KLHL10: variants seen among roughly 807,000 people sequenced by gnomAD.
KLHL10 encodes kelch-like protein 10.
KLHL10 carries 11 observed loss-of-function variants against 46.6 expected under a neutral mutation model. The observed-to-expected ratio is 0.24, with a 90% CI of 0.15 to 0.39. The LOEUF (loss-of-function observed/expected upper bound fraction) is 0.39. KLHL10 is among the 10% of genes least tolerant of loss of function. KLHL10 has a pLI of 1.00. For missense variants in KLHL10, 475 were observed against 789.8 expected (o/e 0.60, Z 4.78); for synonymous variants, 254 against 279.1 (o/e 0.91, Z 0.90).
At chr17:41,836,427 C>A, upstream of KLHL10, 2 of 985,152 alleles carry the variant, frequency 2.0e-6, no homozygotes, top group Admixed American at 6.1e-5. Context: ...GGGTGAAGGT[C>A]CCAAGGTGTT....
chr17:41,841,443 T>C (rs1307846081), intron 1 of KLHL10, among the ~76,000 whole-genome samples: 1 of 152,188 alleles, frequency 6.6e-6, no homozygotes, highest in Non-Finnish European at 1.5e-5. Context: ...GCCTCCCAAG[T>C]AGCTGGGACT....
At position 41,842,250 on chromosome 17, in the gene KLHL10, T is replaced by C. The variant is rs201438905; in HGVS notation, c.622T>C (p.Leu208=). The change falls in exon 2 of 5, where the codon TTA becomes CTA. Residue 208 remains leucine (L), a synonymous_variant. Coordinates refer to ENST00000293303, the MANE Select transcript of KLHL10 (RefSeq NM_152467.5). ...GGAAGATGCTGTATTTGAGGCCATT[T>C]TAAAGTGGATTTCTCATGACCCCCA... The part of the protein sequence containing the change: ...KQEDAVFEAI[L]KWISHDPQNR... The C allele has an allele frequency of 5.7e-5, 92 of 1,614,192 alleles. 1 individual carries two copies. Among genetic ancestry groups the C allele is most frequent in the South Asian group, 2.9e-4 (26 of 91,080 alleles).
intron 1 of KLHL10, among the ~76,000 whole-genome samples, chr17:41,840,896 AC>A (rs1312035538): frequency 6.6e-6 from 1 of 152,070 alleles, no homozygotes; most frequent in Non-Finnish European, 1.5e-5. Context: ...CAGGCAGATC[AC>A]CTGAGGTCAG....
In KLHL10 at chr17:41,837,871, G is replaced by GCC; in HGVS notation, c.-57_-56dup. On this transcript the variant is annotated 5_prime_UTR_variant, in exon 1 of 5. Coordinates refer to ENST00000293303, the MANE Select transcript of KLHL10 (RefSeq NM_152467.5). ...AAAGGAGCGACAGCTGGCTAAAGGGGCCCCCCACAACCCTCCCCGACACCC... is the reference window on the plus strand; with the variant it reads ...AAAGGAGCGACAGCTGGCTAAAGGGGCCCCCCCCACAACCCTCCCCGACACCC... 1 of 1,607,752 alleles carries GCC rather than the reference G, an allele frequency of 6.2e-7. No homozygotes were observed. The highest frequency in any genetic ancestry group is 8.5e-7 in the Non-Finnish European group (1 of 1,178,964).
intron 3 of KLHL10, among the ~76,000 whole-genome samples, chr17:41,846,222 A>AC (rs2048283867): frequency 3.3e-5 from 5 of 150,434 alleles, no homozygotes; most frequent in Non-Finnish European, 7.4e-5. Context: ...AAAAGAAAAA[A>AC]GAAAAAAAAA....
rs781926688 is a variant in KLHL10 at position 41,842,184 on chromosome 17, C to T, written c.556C>T (p.Leu186Phe). Residue 186 changes from leucine to phenylalanine, a missense_variant, in exon 2 of 5, where the codon CTT (leucine) becomes TTT (phenylalanine). Coordinates refer to ENST00000293303, the MANE Select transcript of KLHL10 (RefSeq NM_152467.5). ...AEFLELSVTELKDIIEKDELN... is the reference protein window; with the variant it reads ...AEFLELSVTEFKDIIEKDELN... ...ATTTTTAGAGCTCTCGGTCACTGAA[C>T]TTAAGGATATCATTGAGAAAGATGA... 2.6e-5 allele frequency: 42 copies of T among 1,614,146 alleles called. 1 individual carries two copies. Among genetic ancestry groups the T allele is most frequent in the Non-Finnish European group, 3.4e-5 (40 of 1,180,040 alleles).
chr17:41,845,105 C>T, intron 2 of KLHL10, 21 bp from the exon 3 acceptor site: 2 of 1,614,150 alleles, frequency 1.2e-6, no homozygotes, highest in Non-Finnish European at 1.7e-6. Flanking sequence ...ACCTGAATGA[C>T]TTTCTGCGTT....
intron 1 of KLHL10, among the ~76,000 whole-genome samples, chr17:41,839,947 T>C (rs1318987448): frequency 6.6e-6 from 1 of 151,894 alleles, no homozygotes; most frequent in African/African-American, 2.4e-5. Context: ...TGGCATGATC[T>C]CTGCTCACTG....
At position 41,845,593 on chromosome 17, in the gene KLHL10, C is replaced by T. The variant is rs199535981; in HGVS notation, c.1152C>T (p.Leu384=). ...SRRCYVSVTV[L]GNFIYAMGGF... Reference sequence around the variant, plus strand: ...GTTGCTATGTCAGTGTGACAGTCCTCGGCAATTTTATTTATGCCATGGGAG... The same window carrying T: ...GTTGCTATGTCAGTGTGACAGTCCTTGGCAATTTTATTTATGCCATGGGAG... The change falls in exon 3 of 5, where the codon CTC becomes CTT. Residue 384 remains leucine, a synonymous_variant. Coordinates refer to ENST00000293303, the MANE Select transcript of KLHL10 (RefSeq NM_152467.5). The T allele has an allele frequency of 3.1e-6, 5 of 1,614,134 alleles. No homozygotes were observed. Among genetic ancestry groups the T allele is most frequent in the South Asian group, 1.1e-5 (1 of 91,072 alleles).
Position 41,837,925 on chromosome 17 carries a change from A to G in KLHL10, c.-8A>G, listed in dbSNP as rs782337651. 157 of 1,613,386 alleles carry G rather than the reference A, an allele frequency of 9.7e-5. No homozygotes were observed. The highest frequency in any genetic ancestry group is 1.8e-4 in the Middle Eastern group (1 of 5,604). ...GAAAGCAGCCTCTCTCCGCTGTCCC[A>G]GGGTGCCATGGAGATGGAGAGCGCG... is the stretch of plus-strand genomic sequence containing the variant. On this transcript the variant is annotated 5_prime_UTR_variant, in exon 1 of 5. Coordinates refer to ENST00000293303, the MANE Select transcript of KLHL10 (RefSeq NM_152467.5).
chr17:41,845,442 C>T lies in KLHL10; in HGVS notation c.1001C>T (p.Ala334Val). ...GAGAGTCCCCGTGCCTACCATGGGG[C>T]AGCCTATTTGAAAGGCTATGTGTAT... ...EEESPRAYHG[A>V]AYLKGYVYII... Residue 334 changes from alanine to valine, a missense_variant, in exon 3 of 5, where the codon GCA becomes GTA. Transcript: ENST00000293303. The T allele has an allele frequency of 6.2e-7, 1 of 1,614,134 alleles. No homozygotes were observed. Among genetic ancestry groups the T allele is most frequent in the South Asian group, 1.1e-5 (1 of 91,076 alleles).
chr17:41,841,471 T>C (rs2048225828), intron 1 of KLHL10, among the ~76,000 whole-genome samples: 3 of 152,290 alleles, frequency 2.0e-5, no homozygotes, highest in South Asian at 2.1e-4. Flanking sequence ...TGTGCCACCA[T>C]GCCCAGCTAA....
intron 1 of KLHL10, among the ~76,000 whole-genome samples, chr17:41,841,356 C>T (rs2048224300): frequency 6.6e-6 from 1 of 152,094 alleles, no homozygotes; most frequent in South Asian, 2.1e-4. Flanking sequence ...GCTGTGTCCC[C>T]CAGGCTGGAG....
upstream of KLHL10, chr17:41,836,138 G>C: frequency 7.6e-7 from 1 of 1,320,656 alleles, no homozygotes; most frequent in Non-Finnish European, 9.6e-7. Flanking sequence ...CCCGGGGGTC[G>C]GAGTCCGGGC....
Position 41,842,276 on chromosome 17 carries a change from A to G in KLHL10, c.648A>G (p.Gln216=). 1 of 1,614,142 alleles carries G rather than the reference A, an allele frequency of 6.2e-7. No homozygotes were observed. Among genetic ancestry groups the G allele is most frequent in the Non-Finnish European group, 8.5e-7 (1 of 1,180,038 alleles). The change falls in exon 2 of 5, where the codon CAA becomes CAG. Residue 216 remains glutamine, a synonymous_variant. Coordinates refer to ENST00000293303, the MANE Select transcript of KLHL10 (RefSeq NM_152467.5). The part of the protein sequence containing the change: ...AILKWISHDP[Q]NRKQHISILL... ...TAAAGTGGATTTCTCATGACCCCCA[A>G]AATAGAAAGCAGCACATTTCAATTT...
At chr17:41,840,234 A>T (rs1464028363) in intron 1 of KLHL10, among the ~76,000 whole-genome samples, 2 of 152,282 alleles carry the variant, frequency 1.3e-5, no homozygotes. Context: ...CTTAGACAAT[A>T]CTAAATGAAT....
chr17:41,836,289 T>TGGTGGGGCCGGGGGCGGGGGGGG, upstream of KLHL10: 1 of 869,544 alleles, frequency 1.2e-6, no homozygotes, highest in Non-Finnish European at 1.4e-6. Context: ...GGGCGGGGGT[T>TGGTGGGGCCGGGGGCGGGGGGGG]GGTGGGGCCG....
chr17:41,841,560 G>A (rs541429480), intron 1 of KLHL10, among the ~76,000 whole-genome samples: 5 of 152,188 alleles, frequency 3.3e-5, no homozygotes, highest in South Asian at 2.1e-4. Flanking sequence ...TGATCCACCC[G>A]CTTCGGCCTC....
chr17:41,840,988 A>T (rs1555620656), intron 1 of KLHL10, among the ~76,000 whole-genome samples: 1 of 151,806 alleles, frequency 6.6e-6, no homozygotes, highest in East Asian at 2.0e-4. Flanking sequence ...AAAAATACAA[A>T]AATCAGTTGA....
Sources: allele counts gnomAD v4.1 joint callset (sites outside exome capture counted in the v4.1 genomes callset), GRCh38; gene constraint gnomAD v4.1.1; transcripts MANE v1.5; gene names NCBI Gene and HGNC (gene_info 2026-07-23, HGNC 2026-07-21).